Variants in ZFHX3 observed in about 807,000 individuals in gnomAD.
ZFHX3 encodes the protein zinc finger homeobox protein 3.
ZFHX3 carries 42 observed loss-of-function variants against 279.1 expected under a neutral mutation model. The observed-to-expected ratio is 0.15, with a 90% CI of 0.12 to 0.19. ZFHX3 has a LOEUF of 0.19. ZFHX3 is among the 10% of genes least tolerant of loss of function. ZFHX3 has a pLI of 1.00. For synonymous variants in ZFHX3, 2,293 were observed against 1,957.8 expected, an observed-to-expected ratio of 1.17 and a Z score of -4.52; for missense variants, 4,981 against 4,754.0, an observed-to-expected ratio of 1.05 and a Z score of -1.40.
At chr16:73,019,888 C>T (rs566667053) in intron 1 of ZFHX3, among the ~76,000 whole-genome samples, 1 of 152,306 alleles carries the variant, frequency 6.6e-6, no homozygotes, top group East Asian at 1.9e-4. Flanking sequence ...AGCGGGCTGG[C>T]ATTCCTGGCT....
chr16:73,698,896 GTTTTT>G (rs1358176322), intron 1 of ZFHX3, among the ~76,000 whole-genome samples: 7 of 150,786 alleles, frequency 4.6e-5, no homozygotes, highest in Non-Finnish European at 7.4e-5. Context: ...TTGTTTGTTT[GTTTTT>G]CTGAGATGGG....
chr16:72,944,282 C>G (rs1178144159), intron 3 of ZFHX3, among the ~76,000 whole-genome samples: 1 of 152,078 alleles, frequency 6.6e-6, no homozygotes, highest in African/African-American at 2.4e-5. Flanking sequence ...GAGACCCTGT[C>G]TCAAAAAACA....
intron 3 of ZFHX3, among the ~76,000 whole-genome samples, chr16:73,448,163 C>G (rs1039085337): frequency 2.0e-5 from 3 of 152,110 alleles, no homozygotes; most frequent in Non-Finnish European, 4.4e-5. Context: ...TAGTAAGAAA[C>G]TTCTTCACAT....
chr16:72,899,390 G>A (rs772454300), intron 3 of ZFHX3, among the ~76,000 whole-genome samples: 1 of 152,124 alleles, frequency 6.6e-6, no homozygotes, highest in African/African-American at 2.4e-5. Context: ...CTGCTGCCAT[G>A]TGAAAAAGGA....
At position 73,881,449 on chromosome 16, in the gene ZFHX3, ACACACTCT is replaced by A. The variant is rs1275280017; in HGVS notation, c.-1608+10194_-1608+10201del. ...TGATCACACTCACACACACACACAC[ACACACTCT>A]CTCTCTCTCTCTCTCTCTCTCTGCC... is the stretch of plus-strand genomic sequence containing the variant. On this transcript the variant is annotated intron_variant, in intron 1 of 17. Transcript: ENST00000641206. Among the ~76,000 whole-genome samples, 226 of 106,422 alleles carry A rather than the reference ACACACTCT, an allele frequency of 2.1e-3. 2 individuals carry two copies. Among genetic ancestry groups the A allele is most frequent in the African/African-American group, 8.4e-3 (213 of 25,426 alleles). 69.8% of individuals were successfully genotyped at this position (106,422 alleles called of 152,430 possible). A position where few individuals can be genotyped will look rare whatever the true frequency, so the allele number is the denominator to read the frequency against.
chr16:73,622,942 T>TG (rs2052378806), intron 2 of ZFHX3, among the ~76,000 whole-genome samples: 1 of 152,228 alleles, frequency 6.6e-6, no homozygotes. Flanking sequence ...CCCTAGTACC[T>TG]GGGGGTGATC....
At chr16:73,644,119 C>G (rs950977880) in intron 2 of ZFHX3, among the ~76,000 whole-genome samples, 2 of 152,068 alleles carry the variant, frequency 1.3e-5, no homozygotes, top group African/African-American at 4.8e-5. Context: ...TCTGCTTGGT[C>G]TTTGACCTAG....
intron 3 of ZFHX3, among the ~76,000 whole-genome samples, chr16:73,386,619 T>C (rs1489161121): frequency 6.6e-6 from 1 of 152,194 alleles, no homozygotes; most frequent in Non-Finnish European, 1.5e-5. Flanking sequence ...AGTCAGAATT[T>C]CAGCCTCAGC....
intron 2 of ZFHX3, among the ~76,000 whole-genome samples, chr16:73,550,692 T>C (rs969487017): frequency 1.3e-5 from 2 of 152,372 alleles, no homozygotes; most frequent in East Asian, 1.9e-4. Flanking sequence ...ACCGCTTATA[T>C]AGTGCAGGTA....
intron 1 of ZFHX3, among the ~76,000 whole-genome samples, chr16:73,771,323 G>A (rs1457834229): frequency 6.6e-6 from 1 of 152,168 alleles, no homozygotes; most frequent in Admixed American, 6.5e-5. Flanking sequence ...AGATCCTGGT[G>A]ATGGCGCCCC....
chr16:73,719,440 T>G (rs923371883), intron 1 of ZFHX3, among the ~76,000 whole-genome samples: 1 of 152,090 alleles, frequency 6.6e-6, no homozygotes. Context: ...TTCACACACA[T>G]GCTTAGGAAC....
chr16:73,743,338 G>A (rs999259562), intron 1 of ZFHX3, among the ~76,000 whole-genome samples: 3 of 152,178 alleles, frequency 2.0e-5, no homozygotes, highest in Non-Finnish European at 4.4e-5. Flanking sequence ...ACTTTGGGAT[G>A]TGTGTAAATA....
At chr16:73,797,362 A>G (rs1024852343) in intron 1 of ZFHX3, among the ~76,000 whole-genome samples, 4 of 152,178 alleles carry the variant, frequency 2.6e-5, no homozygotes, top group African/African-American at 9.7e-5. Context: ...CAGTTTCCTG[A>G]CCTGCTCCTG....
At chr16:73,228,699 C>G (rs2012679658) in intron 5 of ZFHX3, among the ~76,000 whole-genome samples, 1 of 152,012 alleles carries the variant, frequency 6.6e-6, no homozygotes, top group South Asian at 2.1e-4. Context: ...TTTCAAGGGC[C>G]CTTAAAAATG....
chr16:73,085,236 C>T (rs10153219), intron 8 of ZFHX3, among the ~76,000 whole-genome samples: 4,135 of 152,264 alleles, frequency 0.027, 66 homozygotes, highest in Middle Eastern at 0.099. Context: ...TAAGTCCACA[C>T]ATTTACAGCA....
At chr16:73,064,552 A>G (rs1965722981), upstream of ZFHX3, among the ~76,000 whole-genome samples, 2 of 151,496 alleles carry the variant, frequency 1.3e-5, no homozygotes, top group African/African-American at 2.4e-5. Flanking sequence ...AGAGACCACA[A>G]CCTACTCTTG....
At chr16:73,193,550 G>A (rs1401116507) in intron 5 of ZFHX3, among the ~76,000 whole-genome samples, 6 of 152,194 alleles carry the variant, frequency 3.9e-5, no homozygotes, top group African/African-American at 1.4e-4. Flanking sequence ...GGACTGGAGT[G>A]AAGCAAGTTA....
intron 5 of ZFHX3, among the ~76,000 whole-genome samples, chr16:72,828,848 G>A (rs1339243156): frequency 6.6e-6 from 1 of 151,884 alleles, no homozygotes; most frequent in South Asian, 2.1e-4. Context: ...TACTACCAGC[G>A]TGCACCACAA....
chr16:73,238,712 T>A (rs1307487465), intron 5 of ZFHX3, among the ~76,000 whole-genome samples: 1 of 152,174 alleles, frequency 6.6e-6, no homozygotes, highest in Non-Finnish European at 1.5e-5. Flanking sequence ...AGGCTGTTCA[T>A]GACCTGTGTG....
Sources: gnomAD v4.1 joint callset for allele counts (sites outside exome capture counted in the v4.1 genomes callset) on GRCh38, gnomAD v4.1.1 for gene constraint, MANE v1.5 for transcripts, NCBI Gene and HGNC (gene_info 2026-07-23, HGNC 2026-07-21) for gene names.